The following SAMD5 variants were observed in gnomAD, a reference collection of about 807,000 sequenced individuals.
The protein encoded by SAMD5 is sterile alpha motif domain-containing protein 5.
A neutral mutation model predicts 11.3 loss-of-function variants in SAMD5; 13 were observed. That is an observed-to-expected ratio of 1.15 (90% CI 0.75 to 1.83). The LOEUF is 1.83. Among genes scored for constraint, SAMD5 ranks in the 40% most tolerant of loss-of-function variants. The probability of loss-of-function intolerance (pLI) is 0.00; values close to 1 mark genes in which losing one functional copy is unlikely to be tolerated. For synonymous variants in SAMD5, 129 were observed against 111.3 expected, an observed-to-expected ratio of 1.16 and a Z score of -1.00; for missense variants, 255 against 239.1, an observed-to-expected ratio of 1.07 and a Z score of -0.44.
chr6:147,605,525 A>C (rs1789686427), intron 1 of SAMD5, among the ~76,000 whole-genome samples: 1 of 152,218 alleles, frequency 6.6e-6, no homozygotes, highest in Non-Finnish European at 1.5e-5. Context: ...AGTACCATGT[A>C]GTATGCTTGG....
At chr6:147,942,053 T>C in the SAMD5 span, among the ~76,000 whole-genome samples, 2 of 152,058 alleles carry the variant, frequency 1.3e-5, no homozygotes, top group Non-Finnish European at 2.9e-5. Context: ...TTTGTATTTT[T>C]AGTAGAGACA....
chr6:147,646,326 A>G (rs1790400805), intron 1 of SAMD5, among the ~76,000 whole-genome samples: 1 of 152,028 alleles, frequency 6.6e-6, no homozygotes, highest in African/African-American at 2.4e-5. Flanking sequence ...GCCCTATCGC[A>G]AAAAAATAAA....
At chr6:147,800,089 C>T in the SAMD5 span, among the ~76,000 whole-genome samples, 1 of 152,226 alleles carries the variant, frequency 6.6e-6, no homozygotes, top group Non-Finnish European at 1.5e-5. Flanking sequence ...ATTCTCCGTC[C>T]AGCTTTGTTC....
At chr6:147,854,726 CAACT>C in the SAMD5 span, among the ~76,000 whole-genome samples, 26 of 152,144 alleles carry the variant, frequency 1.7e-4, no homozygotes, top group African/African-American at 6.0e-4. Context: ...AGGATTTCAA[CAACT>C]AATTCCTTGG....
At chr6:147,744,020 G>C in the SAMD5 span, among the ~76,000 whole-genome samples, 1 of 152,158 alleles carries the variant, frequency 6.6e-6, no homozygotes. Context: ...AAGCAGAGAG[G>C]CTTAATACCC....
chr6:147,748,498 A>G, the SAMD5 span, among the ~76,000 whole-genome samples: 1 of 152,218 alleles, frequency 6.6e-6, no homozygotes. Context: ...AGTACTACAT[A>G]AGTGATTTTT....
the SAMD5 span, among the ~76,000 whole-genome samples, chr6:147,897,487 G>A: frequency 6.6e-6 from 1 of 152,130 alleles, no homozygotes; most frequent in Non-Finnish European, 1.5e-5. Flanking sequence ...TAACAGCAGG[G>A]CAAGACTGGA....
chr6:147,519,929 T>A (rs1402538922), intron 1 of SAMD5, among the ~76,000 whole-genome samples: 1 of 152,200 alleles, frequency 6.6e-6, no homozygotes, highest in East Asian at 1.9e-4. Context: ...GTTTTGTTTT[T>A]AAGGACTCCC....
the SAMD5 span, among the ~76,000 whole-genome samples, chr6:147,869,998 A>C: frequency 6.6e-6 from 1 of 152,118 alleles, no homozygotes; most frequent in African/African-American, 2.4e-5. Flanking sequence ...TATAGATGTG[A>C]GCCACCACGC....
chr6:147,528,405 G>T (rs1181841783), intron 1 of SAMD5, among the ~76,000 whole-genome samples: 1 of 152,056 alleles, frequency 6.6e-6, no homozygotes, highest in Non-Finnish European at 1.5e-5. Flanking sequence ...GTCCTCACGT[G>T]GTCACCCCTC....
intron 1 of SAMD5, among the ~76,000 whole-genome samples, chr6:147,681,406 G>A (rs1292698121): frequency 6.6e-6 from 1 of 151,758 alleles, no homozygotes; most frequent in African/African-American, 2.4e-5. Flanking sequence ...TATATCTTCT[G>A]TGTCTCTATT....
chr6:147,651,181 C>T lies in SAMD5; in HGVS notation c.163-86136C>T, dbSNP rs545640524. On this transcript the variant is annotated intron_variant, in intron 1 of 1. Transcript: ENST00000566741. ...CCAAAAATCAAACTTAGAACATTCC[C>T]CATTCTTTCCCTTTCATAATAGAGA... Among the ~76,000 whole-genome samples the T allele has an allele frequency of 2.6e-5, 4 of 152,214 alleles. No homozygotes were observed. The East Asian group carries it at 7.7e-4, about 29-fold the overall frequency.
At chr6:147,915,341 TGAAGTCAACGTTAGGTG>T in the SAMD5 span, among the ~76,000 whole-genome samples, 1 of 152,218 alleles carries the variant, frequency 6.6e-6, no homozygotes, top group Non-Finnish European at 1.5e-5. Context: ...ATAAAGCAAA[TGAAGTCAACGTTAGGTG>T]GACTTTGTTT....
chr6:147,816,301 A>AAAAAAAATATATAT, the SAMD5 span, among the ~76,000 whole-genome samples: 97 of 66,322 alleles, frequency 1.5e-3, no homozygotes, highest in Non-Finnish European at 1.8e-3. Context: ...AAAAAAAAAA[A>AAAAAAAATATATAT]ATATATATAT....
At chr6:147,550,636 G>A (rs1056480392) in intron 1 of SAMD5, among the ~76,000 whole-genome samples, 1 of 152,132 alleles carries the variant, frequency 6.6e-6, no homozygotes, top group Non-Finnish European at 1.5e-5. Context: ...ATTATGTTAA[G>A]TTAAACTATT....
chr6:147,726,521 CCCAGGCCCAGGCCCAGGT>C (rs1487119406), intron 1 of SAMD5, among the ~76,000 whole-genome samples: 1 of 152,140 alleles, frequency 6.6e-6, no homozygotes, highest in African/African-American at 2.4e-5. Flanking sequence ...CTGCCTGGGG[CCCAGGCCCAGGCCCAGGT>C]CCAGGCCCAG....
rs190208613 is a variant in SAMD5 at position 147,593,961 on chromosome 6, G to C, written c.162+84574G>C. Among the ~76,000 whole-genome samples, 52 of 152,126 alleles carry C rather than the reference G, an allele frequency of 3.4e-4. 1 individual carries two copies. The highest frequency in any genetic ancestry group is 1.1e-3 in the African/African-American group (47 of 41,530). On this transcript the variant is annotated intron_variant, in intron 1 of 1. Coordinates refer to the SAMD5 transcript ENST00000566741. ...TGGCCAACATGGTGAAACCCCGTCTGTACTAAAAATACAAAAATTAGCCTG... is the reference window on the plus strand; with the variant it reads ...TGGCCAACATGGTGAAACCCCGTCTCTACTAAAAATACAAAAATTAGCCTG...
At chr6:147,870,125 T>C in the SAMD5 span, among the ~76,000 whole-genome samples, 1 of 152,158 alleles carries the variant, frequency 6.6e-6, no homozygotes, top group Non-Finnish European at 1.5e-5. Flanking sequence ...ATGAGCCACC[T>C]TTCAAGGGCT....
chr6:147,677,021 G>GCCACTTTCTTTCTT (rs1790873801), intron 1 of SAMD5, among the ~76,000 whole-genome samples: 2 of 145,676 alleles, frequency 1.4e-5, no homozygotes, highest in Admixed American at 1.4e-4. Context: ...CTTTCTTAAA[G>GCCACTTTCTTTCTT]AAAGACAGTG....
Sources: allele counts gnomAD v4.1 joint callset (sites outside exome capture counted in the v4.1 genomes callset), GRCh38; gene constraint gnomAD v4.1.1; transcripts MANE v1.5; gene names NCBI Gene and HGNC (gene_info 2026-07-23, HGNC 2026-07-21).